SSPN: variants seen among roughly 807,000 people sequenced by gnomAD.
SSPN encodes sarcospan.
Under a neutral mutation model 19.1 loss-of-function variants are expected in SSPN, and 15 were observed. The ratio of observed to expected loss-of-function variants is 0.78; its 90% confidence interval spans 0.52 to 1.21. The LOEUF (loss-of-function observed/expected upper bound fraction) is 1.21, where lower values mean the gene tolerates loss of function less well. Ranked by LOEUF, SSPN falls within the 50% of genes most tolerant of loss-of-function variation. The pLI is 0.00. For synonymous variants in SSPN, 147 were observed against 140.3 expected (o/e 1.05, Z -0.34); for missense variants, 291 against 314.0 (o/e 0.93, Z 0.55).
chr12:26,175,818 A>C (rs1445039123), intron 1 of SSPN, among the ~76,000 whole-genome samples: 3 of 144,316 alleles, frequency 2.1e-5, no homozygotes, highest in Non-Finnish European at 4.5e-5. Flanking sequence ...TTCAATTCCG[A>C]GTATAAAAAA....
At chr12:26,227,147 A>G (rs1436924180) in intron 2 of SSPN, among the ~76,000 whole-genome samples, 1 of 152,158 alleles carries the variant, frequency 6.6e-6, no homozygotes, top group Admixed American at 6.5e-5. Flanking sequence ...CATGTAGGTA[A>G]AACAAGCCAC....
At chr12:26,176,787 C>T (rs753549107) in intron 1 of SSPN, among the ~76,000 whole-genome samples, 1 of 152,330 alleles carries the variant, frequency 6.6e-6, no homozygotes, top group Middle Eastern at 3.4e-3. Flanking sequence ...TTCTCTCATT[C>T]CCAATTCTAC....
chr12:26,204,038 A>G (rs1353908231), intron 1 of SSPN, among the ~76,000 whole-genome samples: 1 of 152,222 alleles, frequency 6.6e-6, no homozygotes, highest in East Asian at 1.9e-4. Flanking sequence ...TTTTGAGGTT[A>G]CAGCTTCAAC....
At chr12:26,194,576 G>T, upstream of SSPN, among the ~76,000 whole-genome samples, 1 of 152,206 alleles carries the variant, frequency 6.6e-6, no homozygotes, top group South Asian at 2.1e-4. Context: ...AGTGGAGACG[G>T]GGTTTCACCA....
chr12:26,212,870 A>G (rs1945005302), intron 1 of SSPN, among the ~76,000 whole-genome samples: 1 of 151,956 alleles, frequency 6.6e-6, no homozygotes, highest in Non-Finnish European at 1.5e-5. Context: ...CTTTTTTTTC[A>G]AGGTTATAAT....
intron 1 of SSPN, among the ~76,000 whole-genome samples, chr12:26,143,215 C>T (rs546998601): frequency 6.6e-6 from 1 of 152,136 alleles, no homozygotes; most frequent in East Asian, 1.9e-4. Flanking sequence ...AAAGTGGTAC[C>T]AAACAGCTAA....
intron 1 of SSPN, among the ~76,000 whole-genome samples, chr12:26,162,824 A>G (rs1413958531): frequency 6.6e-6 from 1 of 152,240 alleles, no homozygotes; most frequent in African/African-American, 2.4e-5. Context: ...AGAAGGAGAA[A>G]TCCCATTAAG....
chr12:26,124,049 A>T, intron 1 of SSPN: 1 of 1,482,236 alleles, frequency 6.7e-7, no homozygotes. Context: ...GAGAGCAGCA[A>T]AGAATGAAAA....
chr12:26,122,705 G>C (rs1314095935), intron 1 of SSPN: 43 of 1,579,422 alleles, frequency 2.7e-5, no homozygotes, highest in Non-Finnish European at 3.7e-5. Context: ...AGTCCTCCCC[G>C]GGAGGCTCCT....
chr12:26,122,005 T>A lies in SSPN; in HGVS notation c.-178T>A, dbSNP rs1230366554. On this transcript the variant is annotated 5_prime_UTR_variant, in exon 1 of 3. Transcript: ENST00000538142. ...TTTAACTTCTCACTCTGCTTGAACC[T>A]CCTTAAGGGTATTTTAACTTCTCAC... 10 of 1,544,294 alleles carry A rather than the reference T, an allele frequency of 6.5e-6. No homozygotes were observed. The African/African-American group carries it at 1.1e-4, about 17-fold the overall frequency.
intron 1 of SSPN, among the ~76,000 whole-genome samples, chr12:26,171,466 T>C (rs1944653103): frequency 6.6e-6 from 1 of 152,136 alleles, no homozygotes. Flanking sequence ...ATACTAAAAA[T>C]TGTTTGCCCT....
chr12:26,142,248 T>C (rs1352601237), intron 1 of SSPN, among the ~76,000 whole-genome samples: 1 of 152,184 alleles, frequency 6.6e-6, no homozygotes, highest in Admixed American at 6.5e-5. Context: ...AGAAAATGTA[T>C]TCTGATGACA....
At position 26,195,865 on chromosome 12, in the gene SSPN, A is replaced by G. The variant is rs548786058; in HGVS notation, c.193A>G (p.Ile65Val). The G allele has an allele frequency of 6.4e-6, 10 of 1,565,212 alleles. No homozygotes were observed. The South Asian group carries it at 1.1e-4, about 17-fold the overall frequency. Residue 65 changes from isoleucine (I) to valine (V), a missense_variant, in exon 1 of 3, where the codon ATC becomes GTC. By Grantham distance (29) the Ile-to-Val change is conservative. Transcript: ENST00000242729. The part of the protein sequence containing the change: ...LLALLQLALG[I>V]AVTVVGFLMA... Reference sequence around the variant, plus strand: ...CGCCCTGCTGCAGCTGGCCCTGGGCATCGCCGTGACCGTGGTGGGCTTCCT... The same window carrying G: ...CGCCCTGCTGCAGCTGGCCCTGGGCGTCGCCGTGACCGTGGTGGGCTTCCT...
At chr12:26,124,893 C>A in intron 1 of SSPN, 2 of 1,047,074 alleles carry the variant, frequency 1.9e-6, no homozygotes, top group South Asian at 2.5e-5. Flanking sequence ...GTCTCTCTCT[C>A]GCTCTCCCTC....
intron 1 of SSPN, among the ~76,000 whole-genome samples, chr12:26,184,513 C>A (rs913407039): frequency 3.3e-5 from 5 of 152,160 alleles, no homozygotes; most frequent in Non-Finnish European, 5.9e-5. Context: ...TTGGGATAGA[C>A]CCTTAGGCAG....
chr12:26,137,871 G>T (rs143973618), intron 1 of SSPN, among the ~76,000 whole-genome samples: 113 of 151,192 alleles, frequency 7.5e-4, no homozygotes, highest in African/African-American at 2.6e-3. Flanking sequence ...TCACCCTGTT[G>T]GCCAGGCTGG....
intron 1 of SSPN, among the ~76,000 whole-genome samples, chr12:26,199,828 T>C (rs12818201): frequency 0.15 from 22,905 of 152,246 alleles, 2,009 homozygotes; most frequent in East Asian, 0.36. Context: ...GGCCTAAAAA[T>C]AATGAATCAA....
intron 1 of SSPN, among the ~76,000 whole-genome samples, chr12:26,127,432 C>T (rs1944372967): frequency 1.3e-5 from 2 of 152,194 alleles, no homozygotes; most frequent in Admixed American, 1.3e-4. Flanking sequence ...TCTGTTATCT[C>T]TTTGAGGCTC....
chr12:26,201,020 TATATATATATATATATATATATATATTA>T (rs1324093079), intron 1 of SSPN, among the ~76,000 whole-genome samples: 2 of 41,886 alleles, frequency 4.8e-5, no homozygotes, highest in South Asian at 7.7e-4. Context: ...TGTATATATA[TATATATATATATATATATATATATATTA>T]TATATATATA....
Sources: gnomAD v4.1 joint callset for allele counts (sites outside exome capture counted in the v4.1 genomes callset) on GRCh38, gnomAD v4.1.1 for gene constraint, MANE v1.5 for transcripts, NCBI Gene and HGNC (gene_info 2026-07-23, HGNC 2026-07-21) for gene names.